Variants in HIPK4 observed in about 807,000 individuals in gnomAD.
The protein encoded by HIPK4 is homeodomain-interacting protein kinase 4.
HIPK4 carries 26 observed loss-of-function variants against 44.8 expected under a neutral mutation model. The ratio of observed to expected loss-of-function variants is 0.58; its 90% CI spans 0.43 to 0.80. The LOEUF (loss-of-function observed/expected upper bound fraction) is 0.80, where lower values mean the gene tolerates loss of function less well. Among genes scored for constraint, HIPK4 ranks in the 30% least tolerant of loss-of-function variants. The pLI is 0.00. For synonymous variants in HIPK4, 340 were observed against 355.5 expected, an observed-to-expected ratio of 0.96 and a Z score of 0.49; for missense variants, 729 against 862.6, an observed-to-expected ratio of 0.85 and a Z score of 1.94.
In HIPK4 at chr19:40,379,626, C is replaced by T. The variant is rs200999681; in HGVS notation, c.1812G>A (p.Gly604=). 11 of 1,549,094 alleles carry T rather than the reference C, an allele frequency of 7.1e-6. No individual in the cohort carries two copies. In the East Asian group the frequency reaches 2.5e-4, roughly 35 times the overall value. ...RRSHQHGPPR[G]ATSFLQHVTG... ...TGACATGCTGGAGGAAGCTGGTGGC[C>T]CCCCGGGGTGGACCATGCTGGTGGG... The change falls in exon 4 of 4, where the codon GGG becomes GGA. Residue 604 remains glycine (G), a synonymous_variant. Transcript: ENST00000291823.
At chr19:40,386,871 T>C (rs2079365764) in intron 1 of HIPK4, among the ~76,000 whole-genome samples, 1 of 152,006 alleles carries the variant, frequency 6.6e-6, no homozygotes, top group African/African-American at 2.4e-5. Context: ...TGTCTCTCAT[T>C]TGAGACAGTG....
At position 40,389,909 on chromosome 19, in the gene HIPK4, G is replaced by A. The variant is rs367863409; in HGVS notation, c.-7C>T. 7.5e-5 allele frequency: 119 copies of A among 1,597,282 alleles called. No individual in the cohort carries two copies. The African/African-American group carries it at 7.9e-4, about 11-fold the overall frequency. On this transcript the variant is annotated 5_prime_UTR_variant, in exon 1 of 4. Transcript: ENST00000291823. The surrounding 1 kb of genome is among the most constrained non-coding windows in gnomAD (Gnocchi z 4.6). ...CCGACTGGATGGTGGACATGGTGCC[G>A]CTGCTGCCAGACACCGCCCTGCCCA...
In HIPK4 at chr19:40,380,570, A is replaced by C. The variant is rs1164949666; in HGVS notation, c.1421T>G (p.Ile474Ser). ...HHVPDSGPEP[I>S]LAFYSSRLAG... ...CAGGCGGCTGCTGTAGAAGGCCAGG[A>C]TGGGCTCAGGGCCCGAGTCGGGCAC... The change falls in exon 3 of 4, where the codon ATC (isoleucine) becomes AGC (serine). Residue 474 changes from isoleucine to serine, a missense_variant. Around this residue, in one of 2 missense-constraint regions of HIPK4, gnomAD observed 533 missense variants for 567.5 expected, o/e 0.94. Coordinates refer to ENST00000291823, the MANE Select transcript of HIPK4 (RefSeq NM_144685.5). The surrounding 1 kb of genome is among the most constrained non-coding windows in gnomAD (Gnocchi z 4.2). 1 of 1,612,604 alleles carries C rather than the reference A, an allele frequency of 6.2e-7. No homozygotes were observed. The highest frequency in any genetic ancestry group is 8.5e-7 in the Non-Finnish European group (1 of 1,179,812).
Position 40,389,929 on chromosome 19 carries a change from TGCCCAGGCCCCTGTACCACTGGCTCTGCC to T in HIPK4, c.-56_-28del, listed in dbSNP as rs778906460. 12 of 1,568,146 alleles carry T rather than the reference TGCCCAGGCCCCTGTACCACTGGCTCTGCC, an allele frequency of 7.7e-6. No homozygotes were observed. The African/African-American group carries it at 1.6e-4, about 21-fold the overall frequency. On this transcript the variant is annotated 5_prime_UTR_variant, in exon 1 of 4. Transcript: ENST00000291823. This position sits in a 1 kb window ranked among gnomAD's most constrained non-coding sequence, Gnocchi z 4.6. ...GTGCCGCTGCTGCCAGACACCGCCC[TGCCCAGGCCCCTGTACCACTGGCTCTGCC>T]GCCCAGGCCTCCCGCCTGGCTGCTG...
chr19:40,379,497 A>C lies in HIPK4; in HGVS notation c.*90T>G. The C allele has an allele frequency of 1.8e-6, 2 of 1,091,504 alleles. No individual in the cohort carries two copies. The highest frequency in any genetic ancestry group is 2.5e-6 in the Non-Finnish European group (2 of 791,204). The allele number at this position is 1,091,504 out of a possible 1,614,324, so 67.6% of individuals were successfully genotyped here. ...TTCTGTAAGAATAATTTGTGGGTTC[A>C]GGAGATGGCTCTGAGGAGCAGTTCA... is the stretch of plus-strand genomic sequence containing the variant. On this transcript the variant is annotated 3_prime_UTR_variant, in exon 4 of 4. Coordinates refer to ENST00000291823, the MANE Select transcript of HIPK4 (RefSeq NM_144685.5).
Position 40,379,654 on chromosome 19 carries a change from C to A in HIPK4, c.1784G>T (p.Arg595Leu), listed in dbSNP as rs754264360. ...GPRAQGLPPR[R>L]SHQHGPPRGA... Reference sequence around the variant, plus strand: ...CCGGGGTGGACCATGCTGGTGGGAGCGGCGGGGTGGGAGCCCCTGAGCCCG... The same window carrying A: ...CCGGGGTGGACCATGCTGGTGGGAGAGGCGGGGTGGGAGCCCCTGAGCCCG... The change falls in exon 4 of 4, where the codon CGC (arginine) becomes CTC (leucine). Residue 595 changes from arginine (R) to leucine (L), a missense_variant. Physicochemically the swap from Arg to Leu is moderately radical, Grantham distance 102 (BLOSUM62 -2). This residue lies in a region of HIPK4 where 533 missense variants were observed against 567.5 expected (regional missense o/e 0.94). Coordinates refer to ENST00000291823, the MANE Select transcript of HIPK4 (RefSeq NM_144685.5). 2 of 1,546,930 alleles carry A rather than the reference C, an allele frequency of 1.3e-6. No individual in the cohort carries two copies. The highest frequency in any genetic ancestry group is 1.7e-6 in the Non-Finnish European group (2 of 1,148,320).
In HIPK4 at chr19:40,380,458, C is replaced by A. The variant is rs368520128; in HGVS notation, c.1533G>T (p.Ser511=). The change falls in exon 3 of 4, where the codon TCG becomes TCT. Residue 511 remains serine (S), a synonymous_variant. Transcript: ENST00000291823. The surrounding 1 kb of genome is among the most constrained non-coding windows in gnomAD (Gnocchi z 4.2). ...FSNLIRLSQV[S]PEDDRPCRGS... ...CCCGGCAGGGCCTGTCATCCTCAGGCGAGACCTGGCTCAGCCGAATGAGGT... is the reference window on the plus strand; with the variant it reads ...CCCGGCAGGGCCTGTCATCCTCAGGAGAGACCTGGCTCAGCCGAATGAGGT... 6.2e-7 allele frequency: 1 copy of A among 1,613,696 alleles called. No individual in the cohort carries two copies. Among genetic ancestry groups the A allele is most frequent in the African/African-American group, 1.3e-5 (1 of 74,932 alleles).
At chr19:40,381,314 C>T in intron 2 of HIPK4, 146 bp from the exon 3 acceptor site, 2 of 680,578 alleles carry the variant, frequency 2.9e-6, no homozygotes. Context: ...AGGAGGGCCA[C>T]CCTGGATCCG....
At chr19:40,387,949 C>CCT (rs2079370600) in intron 1 of HIPK4, among the ~76,000 whole-genome samples, 1 of 150,174 alleles carries the variant, frequency 6.7e-6, no homozygotes, top group South Asian at 2.1e-4. Context: ...GAGTCTCCTG[C>CCT]CTCTGCCCCC....
In HIPK4 at chr19:40,379,346, C is replaced by G. The variant is rs2079316667; in HGVS notation, c.*241G>C. 3.9e-6 allele frequency: 2 copies of G among 517,338 alleles called. No homozygotes were observed. Among genetic ancestry groups the G allele is most frequent in the African/African-American group, 4.0e-5 (2 of 49,828 alleles). The allele number at this position is 517,338 out of a possible 1,614,324, so 32.0% of individuals were successfully genotyped here. ...AGCGCAGGGCCAGCGGGGTGCAGCC[C>G]CCTTTCCTGCTGTCCTTCTGGCCAA... On this transcript the variant is annotated 3_prime_UTR_variant, in exon 4 of 4. Transcript: ENST00000291823.
At chr19:40,382,510 A>G (rs757337376) in intron 2 of HIPK4, among the ~76,000 whole-genome samples, 2 of 152,068 alleles carry the variant, frequency 1.3e-5, no homozygotes, top group Admixed American at 6.6e-5. Flanking sequence ...AGCTGCCCCA[A>G]TCGTCCTGTC....
At position 40,379,668 on chromosome 19, in the gene HIPK4, C is replaced by T. The variant is rs747742517; in HGVS notation, c.1770G>A (p.Gly590=). 37 of 1,547,138 alleles carry T rather than the reference C, an allele frequency of 2.4e-5. No individual in the cohort carries two copies. The highest frequency in any genetic ancestry group is 2.6e-6 in the Non-Finnish European group (3 of 1,149,572). Residue 590 remains glycine (G), a synonymous_variant, in exon 4 of 4, where the codon GGG becomes GGA. Coordinates refer to ENST00000291823, the MANE Select transcript of HIPK4 (RefSeq NM_144685.5). ...GCTGGTGGGAGCGGCGGGGTGGGAG[C>T]CCCTGAGCCCGTGGGCCCCTGACGC... ...LESVRGPRAQ[G]LPPRRSHQHG...
chr19:40,389,423 A>G lies in HIPK4; in HGVS notation c.465+15T>C. ...GGAACTAGGGACGCAGCCACCCTAG[A>G]CGACCCCTACTCACCTTGACCCTGA... is the stretch of plus-strand genomic sequence containing the variant. On this transcript the variant is annotated intron_variant, in intron 1 of 3. Transcript: ENST00000291823. This position sits in a 1 kb window ranked among gnomAD's most constrained non-coding sequence, Gnocchi z 4.6. The G allele has an allele frequency of 6.6e-7, 1 of 1,525,486 alleles. No homozygotes were observed. The highest frequency in any genetic ancestry group is 8.8e-7 in the Non-Finnish European group (1 of 1,130,192). The allele number at this position is 1,525,486 out of a possible 1,614,324, so 94.5% of individuals were successfully genotyped here.
At chr19:40,382,624 G>A (rs894076690) in intron 2 of HIPK4, among the ~76,000 whole-genome samples, 1 of 152,100 alleles carries the variant, frequency 6.6e-6, no homozygotes, top group Non-Finnish European at 1.5e-5. Flanking sequence ...CTATCTTGCT[G>A]CAGTTGCTGA....
At chr19:40,385,449 G>T (rs1036525896) in intron 1 of HIPK4, among the ~76,000 whole-genome samples, 2 of 152,068 alleles carry the variant, frequency 1.3e-5, no homozygotes, top group African/African-American at 4.8e-5. Context: ...TTTTGCACTC[G>T]CTGTTCCCTC....
rs2079378364 is a variant in HIPK4, at chr19:40,389,578, G to A, written c.325C>T (p.Pro109Ser). 1 of 1,613,844 alleles carries A rather than the reference G, an allele frequency of 6.2e-7. No homozygotes were observed. Among genetic ancestry groups the A allele is most frequent in the Non-Finnish European group, 8.5e-7 (1 of 1,179,970 alleles). Reference protein sequence around the residue: ...FQKENNFAPLPARHIRTVTLQ... With the variant: ...FQKENNFAPLSARHIRTVTLQ... ...GTGACTGTACGGATGTGGCGGGCGG[G>A]GAGGGGCGCGAAGTTGTTCTCCTTC... The change falls in exon 1 of 4, where the codon CCC (proline) becomes TCC (serine). Residue 109 changes from proline to serine, a missense_variant. This residue lies in a region of HIPK4 where 196 missense variants were observed against 295.1 expected (regional missense o/e 0.66). Transcript: ENST00000291823. This position sits in a 1 kb window ranked among gnomAD's most constrained non-coding sequence, Gnocchi z 4.6.
At chr19:40,382,461 C>T (rs78911130) in intron 2 of HIPK4, among the ~76,000 whole-genome samples, 260 of 152,280 alleles carry the variant, frequency 1.7e-3, no homozygotes, top group African/African-American at 6.1e-3. Flanking sequence ...TCCCTCTTGC[C>T]ACACAAGTTG....
chr19:40,387,558 C>T (rs1311472985), intron 1 of HIPK4, among the ~76,000 whole-genome samples: 1 of 151,702 alleles, frequency 6.6e-6, no homozygotes, highest in East Asian at 1.9e-4. Context: ...TCACTGCAAC[C>T]TCCGCCCCCA....
At chr19:40,381,787 T>TC (rs2079338192) in intron 2 of HIPK4, among the ~76,000 whole-genome samples, 5 of 91,060 alleles carry the variant, frequency 5.5e-5, no homozygotes, top group Non-Finnish European at 1.3e-4. Flanking sequence ...TCAGATCCTT[T>TC]TTTTTTTTTT....
Sources: gnomAD v4.1 joint callset for allele counts (sites outside exome capture counted in the v4.1 genomes callset) on GRCh38, gnomAD v4.1.1 for gene constraint, gnomAD v4.1.1 regional missense constraint, Gnocchi (gnomAD v3.1) non-coding constraint, MANE v1.5 for transcripts, NCBI Gene and HGNC (gene_info 2026-07-23, HGNC 2026-07-21) for gene names.